ANKS1B: variants seen among roughly 807,000 people sequenced by gnomAD.
The protein encoded by ANKS1B is ankyrin repeat and sterile alpha motif domain containing 1B, also known as ankyrin repeat and sterile alpha motif domain-containing protein 1B.
In ANKS1B, 36 loss-of-function variants were observed where a neutral mutation model predicts 148.3. The ratio of observed to expected loss-of-function variants is 0.24; its 90% CI spans 0.19 to 0.32. The LOEUF is 0.32. ANKS1B is among the 10% of genes least tolerant of loss of function. The pLI is 1.00. For missense variants in ANKS1B, 1,157 were observed against 1,542.6 expected, an observed-to-expected ratio of 0.75 and a Z score of 4.19; for synonymous variants, 542 against 560.8, an observed-to-expected ratio of 0.97 and a Z score of 0.47.
chr12:98,923,096 T>C (rs551617219), intron 17 of ANKS1B, among the ~76,000 whole-genome samples: 3 of 152,218 alleles, frequency 2.0e-5, no homozygotes, highest in African/African-American at 7.2e-5. Flanking sequence ...CCCTCATGAA[T>C]AGATTAATGC....
chr12:99,232,109 A>T (rs2153952862), intron 14 of ANKS1B, among the ~76,000 whole-genome samples: 1 of 152,264 alleles, frequency 6.6e-6, no homozygotes, highest in African/African-American at 2.4e-5. Flanking sequence ...AGTGTTAGCC[A>T]CTGATTTCAG....
chr12:99,855,633 C>T (rs960946279), intron 1 of ANKS1B, among the ~76,000 whole-genome samples: 1 of 152,148 alleles, frequency 6.6e-6, no homozygotes, highest in African/African-American at 2.4e-5. Context: ...GCACATGGAA[C>T]ATTCTCCAAG....
At chr12:99,229,048 T>A (rs777419530) in intron 14 of ANKS1B, among the ~76,000 whole-genome samples, 2 of 151,948 alleles carry the variant, frequency 1.3e-5, no homozygotes, top group Non-Finnish European at 2.9e-5. Flanking sequence ...TGTTAAAAGC[T>A]TAGAAAATTT....
intron 10 of ANKS1B, among the ~76,000 whole-genome samples, chr12:99,461,992 T>C (rs918200575): frequency 1.9e-4 from 29 of 152,212 alleles, no homozygotes; most frequent in Admixed American, 5.9e-4. Context: ...TATCAGTCCC[T>C]TTCCATCTTC....
At chr12:98,847,341 T>C (rs1420786299) in intron 17 of ANKS1B, among the ~76,000 whole-genome samples, 2 of 152,206 alleles carry the variant, frequency 1.3e-5, no homozygotes, top group Non-Finnish European at 2.9e-5. Flanking sequence ...AGATTCCACA[T>C]TGAAGTGAGA....
At chr12:99,112,824 T>C (rs1272163739) in intron 15 of ANKS1B, among the ~76,000 whole-genome samples, 1 of 152,250 alleles carries the variant, frequency 6.6e-6, no homozygotes, top group African/African-American at 2.4e-5. Flanking sequence ...CATGTCGTCC[T>C]GTTTGCTTTA....
chr12:99,585,009 C>T lies in ANKS1B; in HGVS notation c.1272+70058G>A, dbSNP rs141205492. On this transcript the variant is annotated intron_variant, in intron 9 of 26. Transcript: ENST00000683438. The stretch of plus-strand genomic sequence containing the variant: ...CGGCCCCTCCCAAATCTCATGTTCT[C>T]GCATTTCAAAACACAGTCATGCCTT... Among the ~76,000 whole-genome samples, 1,436 of 152,192 alleles carry T rather than the reference C, an allele frequency of 9.4e-3. 22 individuals are homozygous for T. Among genetic ancestry groups the T allele is most frequent in the African/African-American group, 0.033 (1,362 of 41,506 alleles).
chr12:99,854,005 G>GTTTGTTTTGTTTTGT (rs922060888), intron 1 of ANKS1B, among the ~76,000 whole-genome samples: 1 of 152,174 alleles, frequency 6.6e-6, no homozygotes, highest in Non-Finnish European at 1.5e-5. Context: ...TTTTTTGTTT[G>GTTTGTTTTGTTTTGT]TTTGTTTTGT....
intron 1 of ANKS1B, among the ~76,000 whole-genome samples, chr12:99,965,133 C>T (rs749816408): frequency 2.0e-5 from 3 of 152,124 alleles, no homozygotes; most frequent in Non-Finnish European, 4.4e-5. Flanking sequence ...ATCTTAGCTT[C>T]TAATGGCCCA....
chr12:99,041,439 T>C (rs2099958872), intron 17 of ANKS1B, among the ~76,000 whole-genome samples: 2 of 152,194 alleles, frequency 1.3e-5, no homozygotes, highest in African/African-American at 4.8e-5. Context: ...TTTTTATATA[T>C]CTAGCAATTC....
chr12:99,779,682 G>A (rs1207222892), intron 6 of ANKS1B, among the ~76,000 whole-genome samples, 189 bp downstream of exon 6: 1 of 151,798 alleles, frequency 6.6e-6, no homozygotes, highest in Non-Finnish European at 1.5e-5. Context: ...AATACTTACT[G>A]AGTAGTTGAA....
intron 1 of ANKS1B, among the ~76,000 whole-genome samples, chr12:99,956,195 T>A (rs567021149): frequency 6.6e-6 from 1 of 151,608 alleles, no homozygotes; most frequent in South Asian, 2.1e-4. Context: ...GGAGAATTAC[T>A]TGAACCTGTG....
intron 1 of ANKS1B, among the ~76,000 whole-genome samples, chr12:99,893,329 T>C (rs1001177474): frequency 6.7e-5 from 10 of 148,872 alleles, no homozygotes; most frequent in Non-Finnish European, 8.9e-5. Flanking sequence ...GAGAATGGCA[T>C]GAACCCAGGA....
intron 9 of ANKS1B, among the ~76,000 whole-genome samples, chr12:99,533,513 T>G (rs11109905): frequency 0.013 from 2,055 of 152,282 alleles, 48 homozygotes; most frequent in African/African-American, 0.047. Context: ...CTTTTCCAAT[T>G]TGGATGTTCT....
Position 99,246,394 on chromosome 12 carries a change from T to C in ANKS1B, c.2227A>G (p.Ile743Val). The C allele has an allele frequency of 6.2e-7, 1 of 1,611,530 alleles. No homozygotes were observed. Residue 743 changes from isoleucine to valine, a missense_variant, in exon 13 of 27, where the codon ATT becomes GTT. Ile to Val is a conservative substitution (Grantham distance 29). Coordinates refer to ENST00000683438, the MANE Select transcript of ANKS1B (RefSeq NM_001352186.2). Reference protein sequence around the residue: ...KSVSKSDSDLIAYPSNEKTSR... With the variant: ...KSVSKSDSDLVAYPSNEKTSR... ...GTTTTCTCATTGGAAGGATAGGCAATGAGATCAGAATCAGATTTAGAGACA... is the reference window on the plus strand; with the variant it reads ...GTTTTCTCATTGGAAGGATAGGCAACGAGATCAGAATCAGATTTAGAGACA...
intron 1 of ANKS1B, among the ~76,000 whole-genome samples, chr12:99,977,938 T>C (rs138679121): frequency 6.6e-6 from 1 of 152,218 alleles, no homozygotes; most frequent in South Asian, 2.1e-4. Context: ...CACTCTAAAA[T>C]GCATTAAGTG....
At chr12:98,909,405 G>T (rs954799597) in intron 17 of ANKS1B, among the ~76,000 whole-genome samples, 4 of 152,176 alleles carry the variant, frequency 2.6e-5, no homozygotes, top group Non-Finnish European at 5.9e-5. Context: ...GCTCAGAGAG[G>T]CTAAGAAACT....
At chr12:99,448,320 G>A (rs192805705) in intron 10 of ANKS1B, among the ~76,000 whole-genome samples, 1 of 152,108 alleles carries the variant, frequency 6.6e-6, no homozygotes, top group African/African-American at 2.4e-5. Flanking sequence ...GGAGGACCTT[G>A]TGTTAAGTGA....
intron 11 of ANKS1B, among the ~76,000 whole-genome samples, chr12:99,418,170 AC>A (rs1210560170): frequency 1.4e-4 from 22 of 152,192 alleles, no homozygotes; most frequent in Admixed American, 1.4e-3. Context: ...TTACAGAATC[AC>A]ATTCAGAATA....
Sources: gnomAD v4.1 joint callset for allele counts (sites outside exome capture counted in the v4.1 genomes callset) on GRCh38, gnomAD v4.1.1 for gene constraint, MANE v1.5 for transcripts, NCBI Gene and HGNC (gene_info 2026-07-23, HGNC 2026-07-21) for gene names.